CSNK2A1: variants seen among roughly 807,000 people sequenced by gnomAD.
CSNK2A1 encodes casein kinase II subunit alpha.
A neutral mutation model predicts 62.9 loss-of-function variants in CSNK2A1; 10 were observed. The ratio of observed to expected loss-of-function variants is 0.16; its 90% CI spans 0.10 to 0.27. CSNK2A1 has a LOEUF of 0.27. Among genes scored for constraint, CSNK2A1 ranks in the 10% least tolerant of loss-of-function variants. The probability of loss-of-function intolerance (pLI) is 1.00; values close to 1 mark genes in which losing one functional copy is unlikely to be tolerated. For missense variants in CSNK2A1, 160 were observed against 492.0 expected (o/e 0.33, Z 6.38); for synonymous variants, 124 against 167.8 (o/e 0.74, Z 2.02).
In CSNK2A1 at chr20:475,641, A is replaced by C. The variant is rs1309252962; in HGVS notation, c.*8320T>G. 1 of 151,238 alleles carries C rather than the reference A, an allele frequency of 6.6e-6. No homozygotes were observed. Among genetic ancestry groups the C allele is most frequent in the East Asian group, 2.0e-4 (1 of 5,038 alleles). 9.4% of individuals were successfully genotyped at this position (151,238 alleles called of 1,614,324 possible). A position where few individuals can be genotyped will look rare whatever the true frequency, so the allele number is the denominator to read the frequency against. On this transcript the variant is annotated 3_prime_UTR_variant, in exon 14 of 14. Coordinates refer to ENST00000217244, the MANE Select transcript of CSNK2A1 (RefSeq NM_177559.3). ...TAAACATACACACCCTTTGCCATAT[A>C]ACCTCATAAAGTTTTCCCAACACAG...
chr20:475,018 G>C lies in CSNK2A1; in HGVS notation c.*8943C>G, dbSNP rs190446500. The C allele has an allele frequency of 6.6e-6, 1 of 152,066 alleles. No homozygotes were observed. The highest frequency in any genetic ancestry group is 2.4e-5 in the African/African-American group (1 of 41,386). 9.4% of individuals were successfully genotyped at this position (152,066 alleles called of 1,614,324 possible). A position where few individuals can be genotyped will look rare whatever the true frequency, so the allele number is the denominator to read the frequency against. On this transcript the variant is annotated 3_prime_UTR_variant, in exon 14 of 14. Transcript: ENST00000217244. ...ATGGAGAGTTTAACAAATAATTATAGAGCAAATACAACATTTAGGTACCAC... is the reference window on the plus strand; with the variant it reads ...ATGGAGAGTTTAACAAATAATTATACAGCAAATACAACATTTAGGTACCAC...
rs1483418127 is a variant in CSNK2A1 at position 475,513 on chromosome 20, T to C, written c.*8448A>G. 8 of 151,480 alleles carry C rather than the reference T, an allele frequency of 5.3e-5. No individual in the cohort carries two copies. The highest frequency in any genetic ancestry group is 1.9e-4 in the East Asian group (1 of 5,156). 9.4% of individuals were successfully genotyped at this position (151,480 alleles called of 1,614,324 possible). ...TCCTTTCCACACACACATATATATA[T>C]ACATAGATGTTATATGTGGTTGCCT... On this transcript the variant is annotated 3_prime_UTR_variant, in exon 14 of 14. Coordinates refer to ENST00000217244, the MANE Select transcript of CSNK2A1 (RefSeq NM_177559.3).
intron 2 of CSNK2A1, among the ~76,000 whole-genome samples, chr20:525,141 A>AAAC (rs1480728063): frequency 6.6e-6 from 1 of 152,182 alleles, no homozygotes; most frequent in Admixed American, 6.5e-5. Flanking sequence ...ATAAAAAAAA[A>AAAC]CATAGGCTAT....
At chr20:541,175 T>C (rs929292108) in intron 1 of CSNK2A1, 7 of 152,230 alleles carry the variant, frequency 4.6e-5, no homozygotes, top group African/African-American at 9.6e-5. Context: ...CTGATCCCAG[T>C]TGGAGAAAGT....
chr20:505,908 T>C (rs1244960130), intron 3 of CSNK2A1: 32 of 134,666 alleles, frequency 2.4e-4, no homozygotes, highest in Admixed American at 2.2e-3. Flanking sequence ...GGAGTCTTGC[T>C]CTGTCGCCCA....
intron 4 of CSNK2A1, chr20:502,280 T>C (rs550322810): frequency 6.6e-6 from 1 of 152,334 alleles, no homozygotes; most frequent in East Asian, 1.9e-4. Flanking sequence ...TCTTCCTGCT[T>C]CAACTATTCA....
intron 2 of CSNK2A1, among the ~76,000 whole-genome samples, chr20:509,168 T>C (rs983190095): frequency 1.3e-5 from 2 of 152,206 alleles, no homozygotes; most frequent in African/African-American, 4.8e-5. Context: ...CAAAGCTCCA[T>C]GTCATCTTAT....
chr20:520,100 TAAG>T (rs1389557068), intron 2 of CSNK2A1, among the ~76,000 whole-genome samples: 2 of 151,778 alleles, frequency 1.3e-5, no homozygotes, highest in Non-Finnish European at 2.9e-5. Flanking sequence ...AAAAGAATGT[TAAG>T]AAGGGAGAAG....
rs181847855 is a variant in CSNK2A1, at chr20:540,540, G to A, written c.-227+3132C>T. ...ATATTGCTACTAAAAGTATGTCCTA[G>A]GCCTTTTCTTTTTTGACAGGGTCTC... On this transcript the variant is annotated intron_variant, in intron 1 of 13. Coordinates refer to ENST00000217244, the MANE Select transcript of CSNK2A1 (RefSeq NM_177559.3). Among the ~76,000 whole-genome samples the A allele has an allele frequency of 2.0e-5, 3 of 152,202 alleles. No homozygotes were observed. The East Asian group carries it at 5.8e-4, about 29-fold the overall frequency.
At chr20:490,657 G>C (rs974788784) in intron 9 of CSNK2A1, among the ~76,000 whole-genome samples, 1 of 149,916 alleles carries the variant, frequency 6.7e-6, no homozygotes, top group Non-Finnish European at 1.5e-5. Context: ...ACTTGCCTTG[G>C]CCTTTCCAAG....
Position 499,028 on chromosome 20 carries a change from A to C in CSNK2A1, c.366+227T>G. ...AGAAACTGTCAACTAAGTAGTGAGA[A>C]GTCAATGTGTTGGTCATTAAAAAGA... is the stretch of plus-strand genomic sequence containing the variant. On this transcript the variant is annotated intron_variant, in intron 6 of 13. Transcript: ENST00000217244. This position sits in a 1 kb window ranked among gnomAD's most constrained non-coding sequence, Gnocchi z 4.2. The C allele has an allele frequency of 3.3e-6, 1 of 304,668 alleles. No homozygotes were observed. Among genetic ancestry groups the C allele is most frequent in the East Asian group, 5.5e-5 (1 of 18,262 alleles). The allele number at this position is 304,668 out of a possible 1,614,324, so 18.9% of individuals were successfully genotyped here.
intron 1 of CSNK2A1, among the ~76,000 whole-genome samples, chr20:530,661 G>A (rs1223811349): frequency 6.6e-6 from 1 of 152,036 alleles, no homozygotes; most frequent in Admixed American, 6.6e-5. Flanking sequence ...TTTTAGTAGA[G>A]ACAGGGTTTC....
At chr20:539,675 C>T (rs1045418865) in intron 1 of CSNK2A1, 3 of 152,162 alleles carry the variant, frequency 2.0e-5, no homozygotes, top group African/African-American at 7.2e-5. Flanking sequence ...TTCTGCTTAC[C>T]GCAGTCTGCC....
Position 505,160 on chromosome 20 carries a change from G to A in CSNK2A1, c.171C>T (p.Ile57=), listed in dbSNP as rs756781186. 4 of 1,613,372 alleles carry A rather than the reference G, an allele frequency of 2.5e-6. No individual in the cohort carries two copies. Among genetic ancestry groups the A allele is most frequent in the African/African-American group, 1.3e-5 (1 of 74,954 alleles). ...RGKYSEVFEA[I]NITNNEKVVV... ...CAACTTTTTCATTATTTGTGATGTT[G>A]ATGGCTTCAAATACTTCACTGTATT... Residue 57 remains isoleucine, a synonymous_variant, in exon 4 of 14, where the codon ATC becomes ATT. Transcript: ENST00000217244.
rs1438494435 is a variant in CSNK2A1 at position 528,020 on chromosome 20, G to A, written c.-197C>T. On this transcript the variant is annotated 5_prime_UTR_variant, in exon 2 of 14. Transcript: ENST00000217244. ...CACGCTGCATGATTTACCATGTGAT[G>A]AGCACACTGCTTGACAAGCCTTGAT... The A allele has an allele frequency of 6.6e-6, 1 of 152,140 alleles. No individual in the cohort carries two copies. Among genetic ancestry groups the A allele is most frequent in the African/African-American group, 2.4e-5 (1 of 41,426 alleles). 9.4% of individuals were successfully genotyped at this position (152,140 alleles called of 1,614,324 possible). A position where few individuals can be genotyped will look rare whatever the true frequency, so the allele number is the denominator to read the frequency against.
chr20:514,487 C>A (rs951145749), intron 2 of CSNK2A1, among the ~76,000 whole-genome samples: 6 of 152,024 alleles, frequency 3.9e-5, no homozygotes, highest in African/African-American at 1.4e-4. Flanking sequence ...GGCTGGAGTG[C>A]AGTGGTGCAA....
chr20:472,687 A>G lies in CSNK2A1; in HGVS notation c.*11274T>C, dbSNP rs186981836. The G allele has an allele frequency of 1.3e-5, 2 of 152,342 alleles. No individual in the cohort carries two copies. Among genetic ancestry groups the G allele is most frequent in the Non-Finnish European group, 2.9e-5 (2 of 68,030 alleles). The allele number at this position is 152,342 out of a possible 1,614,324, so 9.4% of individuals were successfully genotyped here. On this transcript the variant is annotated 3_prime_UTR_variant, in exon 14 of 14. Coordinates refer to ENST00000217244, the MANE Select transcript of CSNK2A1 (RefSeq NM_177559.3). ...ACAGCAGTCCTGTGTGTGAATGATCAAAGGTTGGTTTCTGGACACAGGAAT... is the reference window on the plus strand; with the variant it reads ...ACAGCAGTCCTGTGTGTGAATGATCGAAGGTTGGTTTCTGGACACAGGAAT...
intron 7 of CSNK2A1, 39 bp downstream of exon 7, chr20:497,682 A>G (rs1281709360): frequency 6.6e-7 from 1 of 1,526,492 alleles, no homozygotes; most frequent in Non-Finnish European, 9.0e-7. Flanking sequence ...CAAAAAGAAG[A>G]CCAATTTAAA....
intron 2 of CSNK2A1, among the ~76,000 whole-genome samples, chr20:525,362 T>C (rs1050920951): frequency 6.6e-6 from 1 of 150,964 alleles, no homozygotes; most frequent in Non-Finnish European, 1.5e-5. Flanking sequence ...AATAAAAATT[T>C]TAAAAATCGG....
Sources: gnomAD v4.1 joint callset for allele counts (sites outside exome capture counted in the v4.1 genomes callset) on GRCh38, gnomAD v4.1.1 for gene constraint, Gnocchi (gnomAD v3.1) non-coding constraint, MANE v1.5 for transcripts, NCBI Gene and HGNC (gene_info 2026-07-23, HGNC 2026-07-21) for gene names.